Variants in TENM2 observed in about 807,000 individuals in gnomAD.
TENM2 encodes teneurin-2.
In TENM2, 52 loss-of-function variants were observed where a neutral mutation model predicts 245.2. The ratio of observed to expected loss-of-function variants is 0.21; its 90% confidence interval spans 0.17 to 0.27. The LOEUF (loss-of-function observed/expected upper bound fraction) is 0.27. Ranked by LOEUF, TENM2 falls within the 10% of genes least tolerant of loss-of-function variation. The pLI, the probability that TENM2 is intolerant of heterozygous loss-of-function variation, is 1.00. For synonymous variants in TENM2, 1,363 were observed against 1,438.9 expected, an observed-to-expected ratio of 0.95 and a Z score of 1.19; for missense variants, 3,046 against 3,666.8, an observed-to-expected ratio of 0.83 and a Z score of 4.37.
intron 2 of TENM2, among the ~76,000 whole-genome samples, chr5:167,378,359 C>G (rs1760888783): frequency 7.0e-6 from 1 of 143,846 alleles, no homozygotes; most frequent in African/African-American, 2.7e-5. Flanking sequence ...ATGAACCTGT[C>G]TTTCTTTTCT....
chr5:167,194,338 C>A, the TENM2 span, among the ~76,000 whole-genome samples: 85 of 152,102 alleles, frequency 5.6e-4, no homozygotes, highest in African/African-American at 1.9e-3. Context: ...CTTCTTCCTT[C>A]CCAAAGTCTC....
chr5:167,348,339 T>TTA (rs1403761015), intron 1 of TENM2, among the ~76,000 whole-genome samples: 1 of 152,162 alleles, frequency 6.6e-6, no homozygotes, highest in African/African-American at 2.4e-5. Context: ...AGCATTATAT[T>TTA]TATATTTGTG....
chr5:168,060,673 G>A (rs985841067), intron 6 of TENM2, among the ~76,000 whole-genome samples: 7 of 152,094 alleles, frequency 4.6e-5, no homozygotes, highest in African/African-American at 9.7e-5. Context: ...GTATTGAGCT[G>A]CATAAAAATC....
At chr5:167,772,118 A>C (rs1251028593) in intron 2 of TENM2, among the ~76,000 whole-genome samples, 1 of 152,168 alleles carries the variant, frequency 6.6e-6, no homozygotes, top group Non-Finnish European at 1.5e-5. Context: ...GCTGTCAATA[A>C]AAGAATCCAA....
chr5:168,098,629 TAATATAAGAAAG>T (rs1171272293), intron 9 of TENM2, among the ~76,000 whole-genome samples: 23 of 152,072 alleles, frequency 1.5e-4, no homozygotes. Flanking sequence ...GGGGGAAAGG[TAATATAAGAAAG>T]AAAATGCTTC....
chr5:167,782,193 A>G (rs925289276), intron 2 of TENM2, among the ~76,000 whole-genome samples: 2 of 149,600 alleles, frequency 1.3e-5, no homozygotes, highest in Non-Finnish European at 1.5e-5. Context: ...CATGCCTGTA[A>G]TCCCAGCTAC....
At chr5:167,494,192 A>G (rs1189715442) in intron 2 of TENM2, among the ~76,000 whole-genome samples, 1 of 152,158 alleles carries the variant, frequency 6.6e-6, no homozygotes, top group African/African-American at 2.4e-5. Context: ...CTTCAGATGG[A>G]GAACACAAGA....
intron 3 of TENM2, among the ~76,000 whole-genome samples, chr5:167,906,677 G>A (rs1260665909): frequency 6.6e-6 from 1 of 152,118 alleles, no homozygotes; most frequent in Admixed American, 6.5e-5. Flanking sequence ...ACAACTCCAG[G>A]GAGCGCCATT....
At chr5:167,655,027 T>C (rs1582664301) in intron 2 of TENM2, among the ~76,000 whole-genome samples, 2 of 152,216 alleles carry the variant, frequency 1.3e-5, no homozygotes, top group Non-Finnish European at 2.9e-5. Flanking sequence ...ATAAACATTA[T>C]GTCTTCATTA....
chr5:168,028,418 G>C (rs1055761303), intron 5 of TENM2, among the ~76,000 whole-genome samples: 1 of 152,062 alleles, frequency 6.6e-6, no homozygotes, highest in Non-Finnish European at 1.5e-5. Context: ...GCGTGACACA[G>C]AGAAGGTGCT....
At chr5:167,551,139 C>G (rs1033420062) in intron 2 of TENM2, among the ~76,000 whole-genome samples, 3 of 152,070 alleles carry the variant, frequency 2.0e-5, no homozygotes, top group African/African-American at 7.2e-5. Context: ...TATGAAAATC[C>G]CTTGAGCCAT....
intron 2 of TENM2, among the ~76,000 whole-genome samples, chr5:167,609,672 T>C (rs916713416): frequency 6.6e-6 from 1 of 152,048 alleles, no homozygotes; most frequent in Non-Finnish European, 1.5e-5. Flanking sequence ...GATTGTTGCG[T>C]TAGAATTTGA....
intron 2 of TENM2, among the ~76,000 whole-genome samples, chr5:167,706,807 G>T (rs1341822753): frequency 6.6e-6 from 1 of 151,814 alleles, no homozygotes; most frequent in Admixed American, 6.6e-5. Flanking sequence ...GAGGTCAGGA[G>T]ATCAAGACCA....
chr5:167,146,576 G>A, the TENM2 span, among the ~76,000 whole-genome samples: 1 of 152,160 alleles, frequency 6.6e-6, no homozygotes, highest in African/African-American at 2.4e-5. Flanking sequence ...ATAATTGAAT[G>A]AGGGGAACGA....
chr5:167,438,737 A>G (rs780423136), intron 2 of TENM2, among the ~76,000 whole-genome samples: 9 of 151,566 alleles, frequency 5.9e-5, no homozygotes, highest in Non-Finnish European at 8.8e-5. Flanking sequence ...AAGTGTATCT[A>G]AGTAGTAATC....
intron 2 of TENM2, among the ~76,000 whole-genome samples, chr5:167,690,601 T>C (rs1757363832): frequency 6.6e-6 from 1 of 152,182 alleles, no homozygotes; most frequent in African/African-American, 2.4e-5. Flanking sequence ...GGCCTTGGTT[T>C]TTTCATCTGT....
At position 167,485,707 on chromosome 5, in the gene TENM2, A is replaced by G. The variant is rs541335565; in HGVS notation, c.502+110234A>G. On this transcript the variant is annotated intron_variant, in intron 2 of 28. Transcript: ENST00000518659. ...TGAAGAACCCTGCCACTATGACGCC[A>G]AATGCCTAAATACCCCGACAAGTTG... is the stretch of plus-strand genomic sequence containing the variant. 2.6e-5 allele frequency among the ~76,000 whole-genome samples: 4 copies of G among 152,248 alleles called. No homozygotes were observed. In the East Asian group the frequency reaches 7.7e-4, roughly 29 times the overall value.
intron 3 of TENM2, chr5:167,937,835 G>A (rs979861850): frequency 3.3e-5 from 5 of 152,132 alleles, no homozygotes; most frequent in Non-Finnish European, 5.9e-5. Context: ...ATGAGGACTG[G>A]ATGATTGGAG....
At chr5:167,016,945 C>A in the TENM2 span, among the ~76,000 whole-genome samples, 1 of 152,176 alleles carries the variant, frequency 6.6e-6, no homozygotes, top group Non-Finnish European at 1.5e-5. Context: ...AGTCAAATTG[C>A]AAATCGCATC....
Sources: allele counts gnomAD v4.1 joint callset (sites outside exome capture counted in the v4.1 genomes callset), GRCh38; gene constraint gnomAD v4.1.1; transcripts MANE v1.5; gene names NCBI Gene and HGNC (gene_info 2026-07-23, HGNC 2026-07-21).